CDON: variants seen among roughly 807,000 people sequenced by gnomAD.
The protein encoded by CDON is cell adhesion molecule-related/down-regulated by oncogenes.
Under a neutral mutation model 120.9 loss-of-function variants are expected in CDON, and 73 were observed. The observed-to-expected ratio is 0.60, with a 90% confidence interval of 0.50 to 0.73. CDON has a LOEUF of 0.73. Ranked by LOEUF, CDON falls within the 30% of genes least tolerant of loss-of-function variation. CDON has a pLI of 0.00. For synonymous variants in CDON, 566 were observed against 573.5 expected (o/e 0.99, Z 0.19); for missense variants, 1,470 against 1,587.3 (o/e 0.93, Z 1.26).
intron 1 of CDON, among the ~76,000 whole-genome samples, chr11:126,032,962 C>T (rs112125829): frequency 6.6e-5 from 10 of 152,252 alleles, no homozygotes; most frequent in African/African-American, 2.4e-4. Flanking sequence ...GAGCTATGAT[C>T]GCACCACTGT....
chr11:126,052,855 T>C (rs1434981585), intron 1 of CDON, among the ~76,000 whole-genome samples: 2 of 151,848 alleles, frequency 1.3e-5, no homozygotes, highest in Non-Finnish European at 2.9e-5. Context: ...ATTAAAAATA[T>C]ACTGTATAAC....
At chr11:126,042,949 A>C (rs987347710) in intron 1 of CDON, among the ~76,000 whole-genome samples, 2 of 152,164 alleles carry the variant, frequency 1.3e-5, no homozygotes, top group African/African-American at 4.8e-5. Flanking sequence ...TTGAGGCAGG[A>C]GAATAGGGTC....
At chr11:126,021,568 G>A in intron 2 of CDON, 48 bp from the exon 3 acceptor site, 1 of 1,549,170 alleles carries the variant, frequency 6.5e-7, no homozygotes, top group Non-Finnish European at 8.9e-7. Context: ...GGAGAAAAGA[G>A]GAGAGAGAAA....
chr11:126,019,761 A>G lies in CDON; in HGVS notation c.354T>C (p.Leu118=). 1.2e-6 allele frequency: 2 copies of G among 1,611,666 alleles called. No individual in the cohort carries two copies. The highest frequency in any genetic ancestry group is 1.7e-6 in the Non-Finnish European group (2 of 1,177,966). ...GCTTTGTGGATGAACCAAAATCACC[A>G]AGAACTGAAATATATAAGGAAACAG... ...SGPATVSVAV[L]GDFGSSTKHV... Residue 118 remains leucine, a synonymous_variant, in exon 4 of 20, where the codon CTT becomes CTC. Coordinates refer to ENST00000531738, the MANE Select transcript of CDON (RefSeq NM_001378964.1).
At chr11:125,965,582 G>T (rs893657647) in intron 18 of CDON, among the ~76,000 whole-genome samples, 4 of 152,128 alleles carry the variant, frequency 2.6e-5, no homozygotes, top group Non-Finnish European at 5.9e-5. Flanking sequence ...CGTCTGCCAA[G>T]GAGAAAAGGC....
chr11:126,023,540 A>C lies in CDON; in HGVS notation c.-61-3T>G, dbSNP rs752354548. 8.9e-5 allele frequency: 104 copies of C among 1,168,450 alleles called. No homozygotes were observed. The highest frequency in any genetic ancestry group is 1.3e-4 in the Non-Finnish European group (98 of 774,644). 72.4% of individuals were successfully genotyped at this position (1,168,450 alleles called of 1,614,324 possible). On this transcript the variant is annotated splice_polypyrimidine_tract_variant and splice_region_variant and intron_variant, in intron 1 of 19. Transcript: ENST00000531738. ...AGCAAAACCCAGTCCTTGGTTCACT[A>C]AAAAAGAAAAAGGAAAGAAAATCTA...
intron 18 of CDON, among the ~76,000 whole-genome samples, chr11:125,976,619 AC>A (rs1439391959): frequency 1.3e-3 from 25 of 19,476 alleles, no homozygotes; most frequent in African/African-American, 7.6e-3. Context: ...ACACACACAA[AC>A]ACACACACAC....
chr11:126,038,269 G>GT (rs1948156029), intron 1 of CDON, among the ~76,000 whole-genome samples: 1 of 152,074 alleles, frequency 6.6e-6, no homozygotes, highest in Non-Finnish European at 1.5e-5. Flanking sequence ...AATCATTGAG[G>GT]TATCTGTAGA....
At chr11:126,003,846 T>C in intron 10 of CDON, 56 bp downstream of exon 10, 2 of 1,474,548 alleles carry the variant, frequency 1.4e-6, no homozygotes, top group Non-Finnish European at 1.9e-6. Flanking sequence ...TAATTCTCAC[T>C]AATAAATTGA....
chr11:125,971,185 C>T (rs1251368465), intron 18 of CDON, among the ~76,000 whole-genome samples: 1 of 152,028 alleles, frequency 6.6e-6, no homozygotes, highest in East Asian at 1.9e-4. Flanking sequence ...AGACCAAGAC[C>T]ATCCTGGCTA....
At chr11:125,972,021 C>G (rs967447766) in intron 18 of CDON, among the ~76,000 whole-genome samples, 1 of 152,202 alleles carries the variant, frequency 6.6e-6, no homozygotes, top group African/African-American at 2.4e-5. Flanking sequence ...GCCCAAATGG[C>G]ACAAGGATTT....
chr11:125,976,497 T>C lies in CDON; in HGVS notation c.3356+1807A>G, dbSNP rs556785210. ...ACCCACACACATGAAATGTAGTAAG[T>C]CATTAACTTGAAAATTAATAGAAAT... On this transcript the variant is annotated intron_variant, in intron 18 of 19. Coordinates refer to ENST00000531738, the MANE Select transcript of CDON (RefSeq NM_001378964.1). Among the ~76,000 whole-genome samples the C allele has an allele frequency of 1.8e-3, 267 of 152,246 alleles. 1 individual carries two copies. Among genetic ancestry groups the C allele is most frequent in the Non-Finnish European group, 3.0e-3 (201 of 68,018 alleles).
intron 2 of CDON, among the ~76,000 whole-genome samples, chr11:126,022,577 T>A (rs1177572599): frequency 6.6e-6 from 1 of 152,118 alleles, no homozygotes; most frequent in African/African-American, 2.4e-5. Flanking sequence ...TAGAATAAAA[T>A]ACTTAAGAGA....
At chr11:126,047,128 T>C (rs1948424916) in intron 1 of CDON, among the ~76,000 whole-genome samples, 2 of 152,186 alleles carry the variant, frequency 1.3e-5, no homozygotes, top group African/African-American at 4.8e-5. Flanking sequence ...TATCCCTTGC[T>C]TCATACCTAG....
chr11:126,010,944 A>G (rs1389097118), intron 7 of CDON: 1 of 540,640 alleles, frequency 1.8e-6, no homozygotes, highest in Admixed American at 2.2e-5. Context: ...AATATATATA[A>G]AGAAATCTTT....
Position 126,017,373 on chromosome 11 carries a change from G to C in CDON, c.643C>G (p.Pro215Ala), listed in dbSNP as rs1947501102. ...AGAATGTGAACATCATCTGAAGAAG[G>C]ACCTGGAAAAGGAAAGGAGATGAGA... ...PIGRKLLVSR[P>A]SSDDVHILHP... Residue 215 changes from proline (P) to alanine (A), a missense_variant and splice_region_variant, in exon 6 of 20, where the codon CCT (proline) becomes GCT (alanine). Coordinates refer to ENST00000531738, the MANE Select transcript of CDON (RefSeq NM_001378964.1). 6.2e-7 allele frequency: 1 copy of C among 1,613,882 alleles called. No homozygotes were observed. Among genetic ancestry groups the C allele is most frequent in the Admixed American group, 1.7e-5 (1 of 59,998 alleles).
In CDON at chr11:125,981,421, C is replaced by G; in HGVS notation, c.2996-92G>C. ...ACACACGCATGCACACATGCACATA[C>G]GCACACACGCACACACGCACACAGT... On this transcript the variant is annotated intron_variant, in intron 16 of 19. Coordinates refer to ENST00000531738, the MANE Select transcript of CDON (RefSeq NM_001378964.1). The G allele has an allele frequency of 1.2e-5, 11 of 954,716 alleles. No individual in the cohort carries two copies. In the South Asian group the frequency reaches 1.3e-4, roughly 11 times the overall value. The allele number at this position is 954,716 out of a possible 1,614,324, so 59.1% of individuals were successfully genotyped here.
At chr11:125,986,087 C>T (rs981420682) in intron 15 of CDON, among the ~76,000 whole-genome samples, 1 of 152,152 alleles carries the variant, frequency 6.6e-6, no homozygotes, top group Admixed American at 6.5e-5. Context: ...TAATGATAGA[C>T]TGGATTAAGA....
intron 1 of CDON, among the ~76,000 whole-genome samples, chr11:126,062,019 G>A (rs1948810214): frequency 6.6e-6 from 1 of 152,198 alleles, no homozygotes; most frequent in Non-Finnish European, 1.5e-5. Flanking sequence ...TAAATAGCGA[G>A]CTGTAATGTA....
Sources: gnomAD v4.1 joint callset for allele counts (sites outside exome capture counted in the v4.1 genomes callset) on GRCh38, gnomAD v4.1.1 for gene constraint, MANE v1.5 for transcripts, NCBI Gene and HGNC (gene_info 2026-07-23, HGNC 2026-07-21) for gene names.